The following LOC400499 variants were observed in gnomAD, a reference collection of about 807,000 sequenced individuals.
chr16:11,512,025 A>G, the LOC400499 span, among the ~76,000 whole-genome samples: 3 of 152,084 alleles, frequency 2.0e-5, no homozygotes, highest in African/African-American at 4.8e-5. Context: ...ACGGTGGCTC[A>G]TGTTTGTAAT....
chr16:11,484,237 G>C, the LOC400499 span, among the ~76,000 whole-genome samples: 1 of 151,926 alleles, frequency 6.6e-6, no homozygotes. Context: ...TTGATCTCCT[G>C]ACCTCGTGAT....
chr16:11,437,220 A>C, the LOC400499 span, among the ~76,000 whole-genome samples: 1 of 152,192 alleles, frequency 6.6e-6, no homozygotes, highest in African/African-American at 2.4e-5. Flanking sequence ...AACTGTTATG[A>C]ATGATGCCGT....
the LOC400499 span, among the ~76,000 whole-genome samples, chr16:11,440,125 A>T: frequency 2.0e-5 from 3 of 152,168 alleles, no homozygotes; most frequent in Non-Finnish European, 4.4e-5. Flanking sequence ...AGAGATGGGG[A>T]CAGTGTCACC....
At chr16:11,478,084 G>A in the LOC400499 span, 15 of 395,120 alleles carry the variant, frequency 3.8e-5, no homozygotes, top group Middle Eastern at 6.3e-4. Flanking sequence ...AGGCCGAGAC[G>A]GGTGGATCAT....
chr16:11,513,438 T>C, the LOC400499 span, among the ~76,000 whole-genome samples: 1 of 151,508 alleles, frequency 6.6e-6, no homozygotes, highest in East Asian at 1.9e-4. Context: ...TTTATTTATT[T>C]ATTTATTTAT....
chr16:11,397,248 G>A, the LOC400499 span, among the ~76,000 whole-genome samples: 1 of 152,132 alleles, frequency 6.6e-6, no homozygotes, highest in Non-Finnish European at 1.5e-5. Flanking sequence ...ATGGTTTGGG[G>A]CCGAATCTGG....
the LOC400499 span, among the ~76,000 whole-genome samples, chr16:11,516,873 C>G: frequency 6.6e-6 from 1 of 152,168 alleles, no homozygotes; most frequent in East Asian, 1.9e-4. Context: ...TCTCAAACTC[C>G]TGAGCTCAAG....
the LOC400499 span, chr16:11,396,775 C>CTG: frequency 1.0e-6 from 1 of 957,500 alleles, no homozygotes; most frequent in Non-Finnish European, 1.4e-6. Flanking sequence ...TGCCACCTCC[C>CTG]AGCCTCCACA....
chr16:11,493,615 A>T, the LOC400499 span: 1 of 394,380 alleles, frequency 2.5e-6, no homozygotes, highest in East Asian at 3.6e-5. Context: ...CCCAACCCCA[A>T]CCCCATGAAA....
chr16:11,469,962 G>A, the LOC400499 span, among the ~76,000 whole-genome samples: 2 of 152,302 alleles, frequency 1.3e-5, no homozygotes, highest in East Asian at 3.9e-4. Flanking sequence ...AGTGTCAGCG[G>A]CATGATCTCG....
chr16:11,440,253 C>T, the LOC400499 span, among the ~76,000 whole-genome samples: 3 of 152,160 alleles, frequency 2.0e-5, no homozygotes, highest in Non-Finnish European at 4.4e-5. Context: ...TATATATTCA[C>T]CAAACTACAT....
At chr16:11,385,542 TC>T in the LOC400499 span, 2 of 562,436 alleles carry the variant, frequency 3.6e-6, no homozygotes, top group African/African-American at 1.9e-5. Context: ...AGGCCTGGAT[TC>T]CCCCTCCCCT....
chr16:11,487,196 TG>T, the LOC400499 span: 1 of 398,606 alleles, frequency 2.5e-6, no homozygotes, highest in Non-Finnish European at 4.4e-6. Context: ...GGTAAGTGAC[TG>T]GGATATTTTT....
the LOC400499 span, chr16:11,393,326 G>A: frequency 1.3e-4 from 144 of 1,150,690 alleles, no homozygotes; most frequent in East Asian, 7.4e-4. Context: ...CCAGACCCCC[G>A]TCCTTTCTTG....
the LOC400499 span, chr16:11,478,777 T>C: frequency 5.0e-6 from 2 of 397,954 alleles, no homozygotes; most frequent in Non-Finnish European, 8.9e-6. Flanking sequence ...TCTCATCTCA[T>C]AGCTCCCATA....
At chr16:11,500,899 C>T in the LOC400499 span, 3 of 398,992 alleles carry the variant, frequency 7.5e-6, no homozygotes, top group Non-Finnish European at 1.3e-5. Context: ...GCGGCTGATG[C>T]GATGAGTTCC....
At chr16:11,372,132 T>G in the LOC400499 span, 22 of 152,304 alleles carry the variant, frequency 1.4e-4, no homozygotes, top group African/African-American at 5.1e-4. Flanking sequence ...CAGGTGCCCC[T>G]ACCAAAACAG....
At chr16:11,393,217 C>G in the LOC400499 span, among the ~76,000 whole-genome samples, 1 of 148,390 alleles carries the variant, frequency 6.7e-6, no homozygotes, top group Non-Finnish European at 1.5e-5. Context: ...TGGTCCTGAA[C>G]TCCTGAGCTC....
chr16:11,386,876 G>A, the LOC400499 span, among the ~76,000 whole-genome samples: 1 of 152,360 alleles, frequency 6.6e-6, no homozygotes. Context: ...GTGCCCGCAG[G>A]GAGGGAGCTG....
Sources: gnomAD v4.1 joint callset for allele counts (sites outside exome capture counted in the v4.1 genomes callset) on GRCh38, gnomAD v4.1.1 for gene constraint, MANE v1.5 for transcripts.